The following MYO16 variants were observed in gnomAD, a reference collection of about 807,000 sequenced individuals.
The protein encoded by MYO16 is myosin XVI.
Under a neutral mutation model 205.3 loss-of-function variants are expected in MYO16, and 94 were observed. The observed-to-expected ratio is 0.46, with a 90% CI of 0.39 to 0.54. The LOEUF is 0.54. Ranked by LOEUF, MYO16 falls within the 20% of genes least tolerant of loss-of-function variation. MYO16 has a pLI of 0.00. For missense variants in MYO16, 2,315 were observed against 2,387.5 expected, an observed-to-expected ratio of 0.97 and a Z score of 0.63; for synonymous variants, 988 against 954.0, an observed-to-expected ratio of 1.04 and a Z score of -0.66.
intron 20 of MYO16, among the ~76,000 whole-genome samples, chr13:108,981,433 G>A (rs1381542276): frequency 6.6e-6 from 1 of 152,230 alleles, no homozygotes; most frequent in Non-Finnish European, 1.5e-5. Context: ...TCTTATAAGA[G>A]GTTAATTCTT....
chr13:108,900,986 T>C (rs953644969), intron 15 of MYO16, among the ~76,000 whole-genome samples: 1 of 152,320 alleles, frequency 6.6e-6, no homozygotes, highest in African/African-American at 2.4e-5. Flanking sequence ...GGCTGTCTTT[T>C]ACGGTTGTAG....
intron 16 of MYO16, among the ~76,000 whole-genome samples, chr13:108,924,151 T>C (rs1039038804): frequency 6.6e-6 from 1 of 152,170 alleles, no homozygotes; most frequent in African/African-American, 2.4e-5. Context: ...TTCATTTGAG[T>C]AGGATACTTG....
chr13:108,601,312 T>A (rs1878754474), intron 1 of MYO16, among the ~76,000 whole-genome samples: 1 of 152,176 alleles, frequency 6.6e-6, no homozygotes, highest in African/African-American at 2.4e-5. Flanking sequence ...TTATTTTAGC[T>A]GTACACCACC....
intron 33 of MYO16, among the ~76,000 whole-genome samples, chr13:109,172,661 AATAAG>A (rs1257412885): frequency 2.0e-5 from 3 of 152,202 alleles, no homozygotes; most frequent in Non-Finnish European, 4.4e-5. Flanking sequence ...AAATGGGAAT[AATAAG>A]AGCACCTACT....
chr13:109,147,618 G>A (rs916458540), intron 32 of MYO16, among the ~76,000 whole-genome samples: 43 of 152,210 alleles, frequency 2.8e-4, no homozygotes, highest in African/African-American at 1.0e-3. Context: ...CCTGTCTGAA[G>A]CAGTTAAATC....
At chr13:108,570,185 G>A in the MYO16 span, among the ~76,000 whole-genome samples, 1 of 152,030 alleles carries the variant, frequency 6.6e-6, no homozygotes, top group Non-Finnish European at 1.5e-5. Context: ...TGTTTGTGAA[G>A]GGCTGGTCTT....
chr13:108,923,581 C>T (rs770091687), intron 16 of MYO16, among the ~76,000 whole-genome samples: 6 of 152,330 alleles, frequency 3.9e-5, no homozygotes, highest in African/African-American at 1.2e-4. Flanking sequence ...CGCTGGCCAG[C>T]GCCTCACTAC....
intron 27 of MYO16, among the ~76,000 whole-genome samples, chr13:109,088,685 T>C (rs568291538): frequency 1.3e-5 from 2 of 152,260 alleles, no homozygotes; most frequent in South Asian, 4.1e-4. Flanking sequence ...GCGGTTGCGG[T>C]GAAGTGAGCT....
intron 1 of MYO16, among the ~76,000 whole-genome samples, chr13:108,608,390 C>A (rs1879040465): frequency 6.6e-6 from 1 of 152,148 alleles, no homozygotes; most frequent in Non-Finnish European, 1.5e-5. Context: ...CCTTCCCCAA[C>A]TAATGCTGAT....
intron 20 of MYO16, among the ~76,000 whole-genome samples, chr13:108,983,833 TCTC>T (rs568786008): frequency 5.9e-5 from 9 of 152,206 alleles, no homozygotes; most frequent in African/African-American, 1.7e-4. Context: ...CCCACAGTCT[TCTC>T]CTTCCATTTG....
chr13:109,157,677 G>A (rs995259896), intron 32 of MYO16, among the ~76,000 whole-genome samples: 2 of 152,138 alleles, frequency 1.3e-5, no homozygotes, highest in Non-Finnish European at 2.9e-5. Context: ...AGAGAAGCCT[G>A]GGGAAAAGCA....
At chr13:108,516,201 T>C in the MYO16 span, among the ~76,000 whole-genome samples, 2 of 152,110 alleles carry the variant, frequency 1.3e-5, no homozygotes, top group Non-Finnish European at 2.9e-5. Context: ...TAAGCCGGTC[T>C]GAAAAGCGCA....
intron 11 of MYO16, among the ~76,000 whole-genome samples, chr13:108,865,578 T>A (rs971022735): frequency 6.6e-6 from 1 of 152,058 alleles, no homozygotes; most frequent in African/African-American, 2.4e-5. Context: ...TCTTTCATAT[T>A]TTAATACAAT....
In MYO16 at chr13:108,670,985, T is replaced by C. The variant is rs182455625; in HGVS notation, c.292+4836T>C. On this transcript the variant is annotated intron_variant, in intron 2 of 34. Coordinates refer to ENST00000457511, the MANE Select transcript of MYO16 (RefSeq NM_001198950.3). Reference sequence around the variant, plus strand: ...AAGTGTATTATGTATAGCAGTTTGTTTATATTATGAATATTGGTATAAAGA... The same window carrying C: ...AAGTGTATTATGTATAGCAGTTTGTCTATATTATGAATATTGGTATAAAGA... 2.6e-5 allele frequency among the ~76,000 whole-genome samples: 4 copies of C among 152,342 alleles called. No homozygotes were observed. In the East Asian group the frequency reaches 5.8e-4, roughly 22 times the overall value.
intron 9 of MYO16, among the ~76,000 whole-genome samples, chr13:108,843,258 A>G (rs996744704): frequency 6.6e-6 from 1 of 152,102 alleles, no homozygotes; most frequent in Non-Finnish European, 1.5e-5. Context: ...TTCCATTTTT[A>G]TTTAATAAGT....
At position 108,665,994 on chromosome 13, in the gene MYO16, G is replaced by A. The variant is rs748224248; in HGVS notation, c.137G>A (p.Arg46His). The A allele has an allele frequency of 6.2e-6, 10 of 1,614,130 alleles. No homozygotes were observed. The highest frequency in any genetic ancestry group is 2.2e-5 in the East Asian group (1 of 44,870). ...CGGCAGCGTCTAGTGAAGCGCATGC[G>A]CTGTGAGCAAATCAAAGCCTACTAT... Reference protein sequence around the residue: ...GQRQRLVKRMRCEQIKAYYER... With the variant: ...GQRQRLVKRMHCEQIKAYYER... The change falls in exon 2 of 35, where the codon CGC (arginine) becomes CAC (histidine). Residue 46 changes from arginine (R) to histidine (H), a missense_variant. This residue lies in a region of MYO16 where 1,213 missense variants were observed against 1,274.4 expected (regional missense o/e 0.95). Transcript: ENST00000457511.
intron 4 of MYO16, among the ~76,000 whole-genome samples, chr13:108,752,581 T>C (rs1885270267): frequency 6.6e-6 from 1 of 152,126 alleles, no homozygotes; most frequent in South Asian, 2.1e-4. Flanking sequence ...CATTAAACTT[T>C]TATGAGACTG....
chr13:108,885,863 C>T (rs951338453), intron 13 of MYO16, among the ~76,000 whole-genome samples: 3 of 152,228 alleles, frequency 2.0e-5, no homozygotes, highest in South Asian at 2.1e-4. Context: ...TGGCACACAG[C>T]GGCCAGCAAG....
chr13:108,639,914 G>A (rs1488593287), intron 1 of MYO16, among the ~76,000 whole-genome samples: 1 of 152,228 alleles, frequency 6.6e-6, no homozygotes, highest in African/African-American at 2.4e-5. Context: ...AGGCACTTAG[G>A]TTTGTGTGTG....
Sources: allele counts gnomAD v4.1 joint callset (sites outside exome capture counted in the v4.1 genomes callset), GRCh38; gene constraint gnomAD v4.1.1; regional missense constraint gnomAD v4.1.1; transcripts MANE v1.5; gene names NCBI Gene and HGNC (gene_info 2026-07-23, HGNC 2026-07-21).